POU2F1: variants seen among roughly 807,000 people sequenced by gnomAD.
POU2F1 encodes the protein POU domain, class 2, transcription factor 1.
In POU2F1, 16 loss-of-function variants were observed where a neutral mutation model predicts 84.9. That is an observed-to-expected ratio of 0.19 (90% CI 0.13 to 0.29). POU2F1 has a LOEUF of 0.29. POU2F1 is among the 10% of genes least tolerant of loss of function. The probability of loss-of-function intolerance (pLI) is 1.00; values close to 1 mark genes in which losing one functional copy is unlikely to be tolerated. For missense variants in POU2F1, 738 were observed against 942.6 expected, an observed-to-expected ratio of 0.78 and a Z score of 2.84; for synonymous variants, 368 against 368.3, an observed-to-expected ratio of 1.00 and a Z score of 0.01.
chr1:167,280,236 T>C (rs928994072), intron 1 of POU2F1, among the ~76,000 whole-genome samples: 6 of 150,732 alleles, frequency 4.0e-5, no homozygotes, highest in African/African-American at 1.5e-4. Flanking sequence ...TCAGAAATAA[T>C]AAAGCTTTCC....
chr1:167,226,492 T>G (rs1389056781), intron 1 of POU2F1, among the ~76,000 whole-genome samples: 1 of 152,234 alleles, frequency 6.6e-6, no homozygotes, highest in Non-Finnish European at 1.5e-5. Flanking sequence ...TAAATTGGTT[T>G]GTTTTGTACC....
chr1:167,249,784 G>T (rs1224209696), intron 1 of POU2F1, among the ~76,000 whole-genome samples: 1 of 152,158 alleles, frequency 6.6e-6, no homozygotes, highest in Admixed American at 6.5e-5. Context: ...AAGATCTGGT[G>T]GTCATTGGTG....
At chr1:167,369,402 G>C (rs1022235598) in intron 3 of POU2F1, among the ~76,000 whole-genome samples, 12 of 152,128 alleles carry the variant, frequency 7.9e-5, no homozygotes, top group Non-Finnish European at 1.5e-4. Flanking sequence ...TATCATTGGA[G>C]ACATAGCTGA....
chr1:167,415,865 T>A lies in POU2F1; in HGVS notation c.*55T>A, dbSNP rs538342590. The A allele has an allele frequency of 1.3e-6, 2 of 1,490,970 alleles. No individual in the cohort carries two copies. The highest frequency in any genetic ancestry group is 2.0e-5 in the Admixed American group (1 of 50,008). 92.4% of individuals were successfully genotyped at this position (1,490,970 alleles called of 1,614,324 possible). A position where few individuals can be genotyped will look rare whatever the true frequency, so the allele number is the denominator to read the frequency against. On this transcript the variant is annotated 3_prime_UTR_variant, in exon 16 of 16. Transcript: ENST00000367866. ...TTTTCACTCTGCAGTGTGATTGGAC[T>A]GCCAGCCAGGTTAATAAACTGAAAA...
At position 167,423,255 on chromosome 1, in the gene POU2F1, G is replaced by A. The variant is rs1032385685; in HGVS notation, c.*7445G>A. ...TTATATATGGGCTCTAGGGAGTCAG[G>A]TAGTTCATTGTTTCGGTGTACTATT... is the stretch of plus-strand genomic sequence containing the variant. On this transcript the variant is annotated 3_prime_UTR_variant, in exon 16 of 16. Transcript: ENST00000367866. 1 of 152,174 alleles carries A rather than the reference G, an allele frequency of 6.6e-6. No homozygotes were observed. The highest frequency in any genetic ancestry group is 1.5e-5 in the Non-Finnish European group (1 of 68,020). 9.4% of individuals were successfully genotyped at this position (152,174 alleles called of 1,614,324 possible). A position where few individuals can be genotyped will look rare whatever the true frequency, so the allele number is the denominator to read the frequency against.
In POU2F1 at chr1:167,351,738, A is replaced by C. The variant is rs573962975; in HGVS notation, c.128-13729A>C. On this transcript the variant is annotated intron_variant, in intron 2 of 15. Transcript: ENST00000367866. ...CATAATGACTAGGATTTTCAGAGCTAGAGAGGAGGGTGAAGGATATCTGCA... is the reference window on the plus strand; with the variant it reads ...CATAATGACTAGGATTTTCAGAGCTCGAGAGGAGGGTGAAGGATATCTGCA... Among the ~76,000 whole-genome samples, 17 of 152,210 alleles carry C rather than the reference A, an allele frequency of 1.1e-4. 1 individual carries two copies. The highest frequency in any genetic ancestry group is 3.3e-4 in the Admixed American group (5 of 15,286).
intron 2 of POU2F1, among the ~76,000 whole-genome samples, chr1:167,334,082 TG>T: frequency 6.6e-6 from 1 of 151,250 alleles, no homozygotes; most frequent in East Asian, 1.9e-4. Context: ...TGGAAATCCC[TG>T]TATCTACTTT....
At position 167,234,866 on chromosome 1, in the gene POU2F1, T is replaced by C. The variant is rs117735004; in HGVS notation, c.61+13908T>C. On this transcript the variant is annotated intron_variant, in intron 1 of 15. Transcript: ENST00000367866. ...AAAATTAGGATTTACCCTGTTTACA[T>C]GTTATTTTGATAAAAACATAATTTA... 3.0e-4 allele frequency among the ~76,000 whole-genome samples: 45 copies of C among 152,370 alleles called. No individual in the cohort carries two copies. In the East Asian group the frequency reaches 8.1e-3, roughly 27 times the overall value.
At chr1:167,407,597 A>C (rs1649670762) in intron 13 of POU2F1, among the ~76,000 whole-genome samples, 1 of 152,190 alleles carries the variant, frequency 6.6e-6, no homozygotes, top group African/African-American at 2.4e-5. Flanking sequence ...CAAAACTTTA[A>C]ATTTATGCTT....
chr1:167,285,002 C>CT (rs1440657795), intron 1 of POU2F1, among the ~76,000 whole-genome samples: 1 of 152,102 alleles, frequency 6.6e-6, no homozygotes, highest in Non-Finnish European at 1.5e-5. Context: ...ACATATTTTT[C>CT]TTTGTTTACT....
At chr1:167,347,884 A>T (rs1571342926) in intron 2 of POU2F1, among the ~76,000 whole-genome samples, 1 of 152,178 alleles carries the variant, frequency 6.6e-6, no homozygotes, top group South Asian at 2.1e-4. Flanking sequence ...TTTATGGCTG[A>T]ATGGTATTCC....
intron 2 of POU2F1, among the ~76,000 whole-genome samples, chr1:167,364,074 G>A (rs1659511412): frequency 6.6e-6 from 1 of 152,134 alleles, no homozygotes; most frequent in South Asian, 2.1e-4. Context: ...GATTCCTGTG[G>A]CCTATTATAT....
chr1:167,380,720 C>A (rs1230799213), intron 7 of POU2F1: 1 of 152,166 alleles, frequency 6.6e-6, no homozygotes, highest in African/African-American at 2.4e-5. Context: ...ATGAGATTAG[C>A]CTTCAATATT....
At chr1:167,304,436 CT>C (rs1262946337) in intron 1 of POU2F1, among the ~76,000 whole-genome samples, 1 of 152,182 alleles carries the variant, frequency 6.6e-6, no homozygotes, top group East Asian at 1.9e-4. Flanking sequence ...GTTCTGTGTT[CT>C]TTCAAAGCAC....
chr1:167,285,051 T>G (rs1653420259), intron 1 of POU2F1, among the ~76,000 whole-genome samples: 1 of 152,258 alleles, frequency 6.6e-6, no homozygotes, highest in Non-Finnish European at 1.5e-5. Context: ...TTGGCAGCTG[T>G]GATATGCAAG....
chr1:167,351,753 G>A (rs1380783638), intron 2 of POU2F1, among the ~76,000 whole-genome samples: 1 of 150,902 alleles, frequency 6.6e-6, no homozygotes, highest in African/African-American at 2.4e-5. Flanking sequence ...GGAGGGTGAA[G>A]GATATCTGCA....
chr1:167,410,088 G>A (rs1190064781), intron 13 of POU2F1, among the ~76,000 whole-genome samples: 2 of 152,188 alleles, frequency 1.3e-5, no homozygotes, highest in African/African-American at 2.4e-5. Context: ...AGTAATGAAC[G>A]AAAATAGGAT....
At chr1:167,345,443 G>T (rs533639481) in intron 2 of POU2F1, among the ~76,000 whole-genome samples, 4 of 152,286 alleles carry the variant, frequency 2.6e-5, no homozygotes, top group Admixed American at 2.6e-4. Flanking sequence ...ACAAAACTGG[G>T]AATAGAATGC....
intron 1 of POU2F1, among the ~76,000 whole-genome samples, chr1:167,232,348 G>C (rs1649126650): frequency 6.6e-6 from 1 of 152,172 alleles, no homozygotes; most frequent in Non-Finnish European, 1.5e-5. Context: ...TAATGATCCT[G>C]ACCCTGTGTG....
Sources: allele counts gnomAD v4.1 joint callset (sites outside exome capture counted in the v4.1 genomes callset), GRCh38; gene constraint gnomAD v4.1.1; transcripts MANE v1.5; gene names NCBI Gene and HGNC (gene_info 2026-07-23, HGNC 2026-07-21).